Variants in ANKMY1 observed in about 807,000 individuals in gnomAD.
The protein encoded by ANKMY1 is ankyrin repeat and MYND domain containing 1, also known as ankyrin repeat and MYND domain-containing protein 1.
Under a neutral mutation model 102.0 loss-of-function variants are expected in ANKMY1, and 98 were observed. The observed-to-expected ratio is 0.96, with a 90% confidence interval of 0.82 to 1.14. The LOEUF is 1.14. Among genes scored for constraint, ANKMY1 ranks in the 50% most tolerant of loss-of-function variants. The pLI is 0.00. For missense variants in ANKMY1, 1,330 were observed against 1,347.6 expected (o/e 0.99, Z 0.20); for synonymous variants, 582 against 559.9 (o/e 1.04, Z -0.56).
chr2:240,481,716 G>A lies in ANKMY1; in HGVS notation c.2885+467C>T, dbSNP rs997300187. 2.8e-4 allele frequency among the ~76,000 whole-genome samples: 43 copies of A among 152,218 alleles called. 1 individual carries two copies. Among genetic ancestry groups the A allele is most frequent in the Non-Finnish European group, 4.4e-5 (3 of 68,032 alleles). Reference sequence around the variant, plus strand: ...ACTGTTCTGGAACAGCAGAGTGAGTGCAGGGTTGAGACTCCAAGGAGAGGC... The same window carrying A: ...ACTGTTCTGGAACAGCAGAGTGAGTACAGGGTTGAGACTCCAAGGAGAGGC... On this transcript the variant is annotated intron_variant, in intron 16 of 17. Transcript: ENST00000401804.
chr2:240,524,649 C>T (rs148883725), intron 7 of ANKMY1, among the ~76,000 whole-genome samples: 19 of 152,304 alleles, frequency 1.2e-4, no homozygotes, highest in Non-Finnish European at 1.9e-4. Flanking sequence ...GTGGCCTGTC[C>T]GCACCCAGGT....
chr2:240,513,093 G>T, intron 9 of ANKMY1, 151 bp from the exon 10 acceptor site: 1 of 1,148,012 alleles, frequency 8.7e-7, no homozygotes, highest in Non-Finnish European at 1.2e-6. Context: ...CAGGCTACTG[G>T]TCCCTGAAGG....
rs920930308 is a variant in ANKMY1, at chr2:240,555,300, G to C, written c.147-245C>G. The C allele has an allele frequency of 7.5e-6, 4 of 535,182 alleles. No individual in the cohort carries two copies. In the African/African-American group the frequency reaches 7.6e-5, roughly 10 times the overall value. The allele number at this position is 535,182 out of a possible 1,614,324, so 33.2% of individuals were successfully genotyped here. A position where few individuals can be genotyped will look rare whatever the true frequency, so the allele number is the denominator to read the frequency against. ...CCAACGGATAGGAGAGATGCTGCCA[G>C]GCTCTAGAGGCAGGACCAGTCGGCC... On this transcript the variant is annotated intron_variant, in intron 2 of 17. Coordinates refer to ENST00000401804, the MANE Select transcript of ANKMY1 (RefSeq NM_001282771.3).
intron 12 of ANKMY1, 51 bp downstream of exon 12, chr2:240,509,297 G>T: frequency 6.8e-7 from 1 of 1,471,188 alleles, no homozygotes; most frequent in Non-Finnish European, 9.3e-7. Flanking sequence ...GGTGGGCACT[G>T]GAGACGGAAA....
intron 15 of ANKMY1, among the ~76,000 whole-genome samples, chr2:240,498,829 G>A (rs1282185356): frequency 1.3e-5 from 2 of 152,026 alleles, no homozygotes; most frequent in African/African-American, 4.8e-5. Context: ...GAGTTTAGAA[G>A]AGCCTGGGAC....
intron 4 of ANKMY1, among the ~76,000 whole-genome samples, chr2:240,533,717 A>ATT (rs2086007343): frequency 9.7e-6 from 1 of 103,076 alleles, no homozygotes; most frequent in East Asian, 2.1e-4. Context: ...GGATTTCAAT[A>ATT]AACACACACA....
chr2:240,508,083 T>C (rs1433878406), intron 12 of ANKMY1, among the ~76,000 whole-genome samples: 1 of 152,266 alleles, frequency 6.6e-6, no homozygotes, highest in Non-Finnish European at 1.5e-5. Context: ...CACATTTGCC[T>C]GGTGCCCAGG....
In ANKMY1 at chr2:240,520,462, G is replaced by A; in HGVS notation, c.1904C>T (p.Pro635Leu). Residue 635 changes from proline to leucine, a missense_variant, in exon 9 of 18, where the codon CCC becomes CTC. By Grantham distance (98) the Pro-to-Leu change is moderately conservative. Transcript: ENST00000401804. The surrounding 1 kb of genome is among the most constrained non-coding windows in gnomAD (Gnocchi z 4.8). ...CACAGCAAGGAACAGGACCTGCATG[G>A]GCACGCAGCACAGGTTGGGGTCCGC... ...RGADPNLCCV[P>L]MQVLFLAVKA... 2 of 1,613,470 alleles carry A rather than the reference G, an allele frequency of 1.2e-6. No homozygotes were observed. Among genetic ancestry groups the A allele is most frequent in the South Asian group, 1.1e-5 (1 of 91,046 alleles).
At chr2:240,490,311 G>A (rs974586388) in intron 15 of ANKMY1, among the ~76,000 whole-genome samples, 1 of 151,780 alleles carries the variant, frequency 6.6e-6, no homozygotes, top group African/African-American at 2.4e-5. Flanking sequence ...TTCTAATTTT[G>A]GATTTGATTT....
At chr2:240,554,535 G>A (rs751243354) in intron 3 of ANKMY1, 13 of 237,940 alleles carry the variant, frequency 5.5e-5, no homozygotes, top group Non-Finnish European at 9.0e-5. Context: ...GCTGCCTTCT[G>A]CTTAAGCCTA....
intron 4 of ANKMY1, among the ~76,000 whole-genome samples, chr2:240,543,535 A>T (rs988133262): frequency 6.6e-6 from 1 of 152,150 alleles, no homozygotes; most frequent in Non-Finnish European, 1.5e-5. Flanking sequence ...GAATTTTTTG[A>T]TAAGTACGAC....
At position 240,500,053 on chromosome 2, in the gene ANKMY1, T is replaced by A; in HGVS notation, c.2711A>T (p.Lys904Met). The A allele has an allele frequency of 6.2e-7, 1 of 1,612,880 alleles. No individual in the cohort carries two copies. Among genetic ancestry groups the A allele is most frequent in the African/African-American group, 1.3e-5 (1 of 75,030 alleles). Residue 904 changes from lysine to methionine, a missense_variant, in exon 15 of 18, where the codon AAG (lysine) becomes ATG (methionine). Physicochemically the swap from Lys to Met is moderately conservative, Grantham distance 95. Transcript: ENST00000401804. ...CAAGCCCATGTACTCCAGGAGCCGC[T>A]TCCGCGCCAGGAACGTCTCGCGCTC... ...PAERETFLAR[K>M]RLLEYMGLQL...
At chr2:240,557,054 T>C in intron 2 of ANKMY1, 136 bp downstream of exon 2, 1 of 1,051,934 alleles carries the variant, frequency 9.5e-7, no homozygotes, top group South Asian at 2.9e-5. Flanking sequence ...TGTTGAGGCT[T>C]TCAGATTTCT....
At chr2:240,541,528 G>A (rs868250993) in intron 4 of ANKMY1, among the ~76,000 whole-genome samples, 52 of 138,394 alleles carry the variant, frequency 3.8e-4, no homozygotes, top group African/African-American at 1.3e-3. Context: ...TTTTTGAGAC[G>A]GAGTCTCACT....
intron 15 of ANKMY1, among the ~76,000 whole-genome samples, chr2:240,496,405 TA>T (rs1559249517): frequency 3.3e-5 from 4 of 119,746 alleles, no homozygotes; most frequent in Admixed American, 1.8e-4. Flanking sequence ...GATAGATAGA[TA>T]GATAGATGTG....
downstream of ANKMY1, among the ~76,000 whole-genome samples, chr2:240,477,510 C>T (rs534391827): frequency 1.0e-3 from 157 of 152,276 alleles, no homozygotes; most frequent in African/African-American, 3.7e-3. Context: ...ATCCTCCCAC[C>T]ACAGCCTCCT....
intron 11 of ANKMY1, 82 bp from the exon 12 acceptor site, chr2:240,509,537 T>G: frequency 1.0e-6 from 1 of 966,466 alleles, no homozygotes; most frequent in Non-Finnish European, 1.5e-6. Flanking sequence ...TTAAATGCCA[T>G]GAAATCAATG....
At chr2:240,482,296 T>A in intron 15 of ANKMY1, 35 bp from the exon 16 acceptor site, 1 of 1,586,480 alleles carries the variant, frequency 6.3e-7, no homozygotes, top group Non-Finnish European at 8.6e-7. Context: ...AGTACCCACG[T>A]GGCAGGGTGG....
intron 15 of ANKMY1, among the ~76,000 whole-genome samples, chr2:240,494,363 C>A (rs1231477264): frequency 6.6e-6 from 1 of 152,182 alleles, no homozygotes; most frequent in East Asian, 1.9e-4. Context: ...CTGACTGCAT[C>A]AGCCCATGCC....
Sources: gnomAD v4.1 joint callset for allele counts (sites outside exome capture counted in the v4.1 genomes callset) on GRCh38, gnomAD v4.1.1 for gene constraint, Gnocchi (gnomAD v3.1) non-coding constraint, MANE v1.5 for transcripts, NCBI Gene and HGNC (gene_info 2026-07-23, HGNC 2026-07-21) for gene names.